RHBDL2: variants seen among roughly 807,000 people sequenced by gnomAD.
The protein encoded by RHBDL2 is rhomboid-related protein 2.
A neutral mutation model predicts 31.7 loss-of-function variants in RHBDL2; 26 were observed. That is an observed-to-expected ratio of 0.82 (90% CI 0.60 to 1.14). RHBDL2 has a LOEUF of 1.14. RHBDL2 is among the 50% of genes most tolerant of loss of function. The pLI is 0.00. For missense variants in RHBDL2, 336 were observed against 364.4 expected (o/e 0.92, Z 0.63); for synonymous variants, 123 against 127.2 (o/e 0.97, Z 0.22).
intron 5 of RHBDL2, among the ~76,000 whole-genome samples, chr1:38,894,117 A>G (rs74064942): frequency 2.6e-5 from 4 of 152,310 alleles, no homozygotes; most frequent in African/African-American, 4.8e-5. Flanking sequence ...AATAATTTAC[A>G]TAACAACCCA....
intron 2 of RHBDL2, 21 bp from the exon 3 acceptor site, chr1:38,915,731 G>T: frequency 6.2e-7 from 1 of 1,613,752 alleles, no homozygotes; most frequent in Non-Finnish European, 8.5e-7. Context: ...GAGCAGACAT[G>T]AGTATTAACC....
chr1:38,913,462 CT>C (rs1447857550), intron 3 of RHBDL2: 1 of 151,742 alleles, frequency 6.6e-6, no homozygotes, highest in Non-Finnish European at 1.5e-5. Flanking sequence ...GTCCTGATGC[CT>C]ATTTAGCCAC....
At chr1:38,906,066 CAAA>C (rs771773572) in intron 4 of RHBDL2, among the ~76,000 whole-genome samples, 1 of 68,030 alleles carries the variant, frequency 1.5e-5, no homozygotes, top group Non-Finnish European at 3.3e-5. Flanking sequence ...GACTCCAACT[CAAA>C]AAAAAAAAAA....
chr1:38,892,980 A>G (rs912322857), intron 6 of RHBDL2, among the ~76,000 whole-genome samples, 184 bp downstream of exon 6: 6 of 152,182 alleles, frequency 3.9e-5, no homozygotes, highest in African/African-American at 1.4e-4. Flanking sequence ...ATAATATGTA[A>G]AATTTATCTT....
At chr1:38,924,647 A>G (rs1643353413) in intron 1 of RHBDL2, among the ~76,000 whole-genome samples, 1 of 152,046 alleles carries the variant, frequency 6.6e-6, no homozygotes, top group South Asian at 2.1e-4. Flanking sequence ...GACTTTGCCT[A>G]GAATAAGCAT....
At chr1:38,928,483 G>A (rs568394785) in intron 1 of RHBDL2, among the ~76,000 whole-genome samples, 1 of 150,236 alleles carries the variant, frequency 6.7e-6, no homozygotes, top group East Asian at 2.0e-4. Context: ...TTTCGCTCTT[G>A]TTGCCCAGAC....
intron 4 of RHBDL2, among the ~76,000 whole-genome samples, chr1:38,900,105 C>A (rs910753885): frequency 2.0e-5 from 3 of 152,190 alleles, no homozygotes; most frequent in East Asian, 1.9e-4. Context: ...AGTAACATAA[C>A]TGAGTTACAG....
At chr1:38,895,897 G>C in intron 5 of RHBDL2, 72 bp downstream of exon 5, 2 of 961,386 alleles carry the variant, frequency 2.1e-6, no homozygotes, top group Non-Finnish European at 3.2e-6. Flanking sequence ...ATGAAGGTTC[G>C]TTGAAACAAA....
Position 38,909,730 on chromosome 1 carries a change from A to C in RHBDL2, c.508+1592T>G, listed in dbSNP as rs552143686. ...GCACTCCAGCCTGGACGACAGGGCA[A>C]GACTCCATCTCAAAATAAATAAATT... On this transcript the variant is annotated intron_variant, in intron 4 of 7. Coordinates refer to ENST00000372990, the MANE Select transcript of RHBDL2 (RefSeq NM_017821.5). Among the ~76,000 whole-genome samples the C allele has an allele frequency of 3.7e-3, 563 of 152,270 alleles. 3 individuals carry two copies. Among genetic ancestry groups the C allele is most frequent in the African/African-American group, 0.013 (532 of 41,552 alleles).
In RHBDL2 at chr1:38,941,088, G is replaced by A. The variant is rs142279564; in HGVS notation, c.-126+594C>T. On this transcript the variant is annotated intron_variant, in intron 1 of 7. Transcript: ENST00000372990. ...TATTCCCAAGAGGAGCAGAAATTGC[G>A]CAGCCCTCCCTCCAGAGAATCCAGG... Among the ~76,000 whole-genome samples the A allele has an allele frequency of 2.8e-4, 43 of 152,318 alleles. No individual in the cohort carries two copies. In the East Asian group the frequency reaches 6.2e-3, roughly 22 times the overall value.
intron 1 of RHBDL2, among the ~76,000 whole-genome samples, chr1:38,933,785 G>A (rs535578363): frequency 1.3e-5 from 2 of 149,648 alleles, no homozygotes; most frequent in South Asian, 2.1e-4. Flanking sequence ...CTGGAGTGCA[G>A]TGGTACAATC....
chr1:38,940,480 C>A (rs12047330), intron 1 of RHBDL2, among the ~76,000 whole-genome samples: 35,893 of 152,002 alleles, frequency 0.24, 4,315 homozygotes, highest in South Asian at 0.28. Flanking sequence ...TCACTGGGAG[C>A]GAGCCATGGA....
At chr1:38,918,324 G>A (rs1447163777) in intron 2 of RHBDL2, among the ~76,000 whole-genome samples, 1 of 152,110 alleles carries the variant, frequency 6.6e-6, no homozygotes, top group African/African-American at 2.4e-5. Flanking sequence ...AGCCATGGTT[G>A]GCCAGTTCCT....
At chr1:38,889,310 T>G (rs1278848231) in intron 6 of RHBDL2, among the ~76,000 whole-genome samples, 1 of 152,096 alleles carries the variant, frequency 6.6e-6, no homozygotes, top group Non-Finnish European at 1.5e-5. Context: ...ACAAGGCTGG[T>G]CTCCAACTCT....
rs552600798 is a variant in RHBDL2 at position 38,933,549 on chromosome 1, G to A, written c.-126+8133C>T. Among the ~76,000 whole-genome samples, 22 of 152,296 alleles carry A rather than the reference G, an allele frequency of 1.4e-4. No homozygotes were observed. The South Asian group carries it at 1.4e-3, about 10-fold the overall frequency. On this transcript the variant is annotated intron_variant, in intron 1 of 7. Transcript: ENST00000372990. ...GAATGGAGAAGGAAGGAAAAGGGAA[G>A]TATCATGGAAAGAGCTCTGACATTG... is the stretch of plus-strand genomic sequence containing the variant.
chr1:38,931,705 A>T (rs1427893677), intron 1 of RHBDL2, among the ~76,000 whole-genome samples: 1 of 151,928 alleles, frequency 6.6e-6, no homozygotes, highest in Non-Finnish European at 1.5e-5. Flanking sequence ...GGGAAAAAAA[A>T]AAAAGAAAGA....
intron 1 of RHBDL2, among the ~76,000 whole-genome samples, chr1:38,927,381 C>T (rs1406897404): frequency 6.6e-6 from 1 of 152,044 alleles, no homozygotes; most frequent in African/African-American, 2.4e-5. Context: ...GAGCCGAGAT[C>T]GCGCCACTGC....
At chr1:38,923,949 C>G (rs1388346914) in intron 1 of RHBDL2, among the ~76,000 whole-genome samples, 1 of 152,140 alleles carries the variant, frequency 6.6e-6, no homozygotes, top group Non-Finnish European at 1.5e-5. Flanking sequence ...GTTAGAATGT[C>G]TCTAGCCTTC....
intron 5 of RHBDL2, among the ~76,000 whole-genome samples, chr1:38,894,295 A>G (rs1336662669): frequency 6.6e-6 from 1 of 152,036 alleles, no homozygotes; most frequent in Non-Finnish European, 1.5e-5. Flanking sequence ...TAATTGCTTT[A>G]CACTTTTCTA....
Sources: allele counts gnomAD v4.1 joint callset (sites outside exome capture counted in the v4.1 genomes callset), GRCh38; gene constraint gnomAD v4.1.1; transcripts MANE v1.5; gene names NCBI Gene and HGNC (gene_info 2026-07-23, HGNC 2026-07-21).